Variants in PCDH15 observed in about 807,000 individuals in gnomAD.
PCDH15 encodes protocadherin-15.
PCDH15 carries 129 observed loss-of-function variants against 178.5 expected under a neutral mutation model. That is an observed-to-expected ratio of 0.72 (90% CI 0.63 to 0.84). The LOEUF is 0.84. Among genes scored for constraint, PCDH15 ranks in the 40% least tolerant of loss-of-function variants. The probability of loss-of-function intolerance (pLI) is 0.00; values close to 1 mark genes in which losing one functional copy is unlikely to be tolerated. For missense variants in PCDH15, 2,230 were observed against 2,099.9 expected (o/e 1.06, Z -1.21); for synonymous variants, 800 against 732.0 (o/e 1.09, Z -1.50).
At chr10:54,380,566 CTAACAT>C (rs1380281636) in intron 3 of PCDH15, among the ~76,000 whole-genome samples, 1 of 142,296 alleles carries the variant, frequency 7.0e-6, no homozygotes, top group East Asian at 2.0e-4. Context: ...GGCAGGTCAA[CTAACAT>C]TAACATTAAT....
At chr10:55,289,921 C>CATACTTTAAGTGTTTCAAAGTT (rs1564972969) in intron 1 of PCDH15, among the ~76,000 whole-genome samples, 13 of 151,808 alleles carry the variant, frequency 8.6e-5, no homozygotes, top group African/African-American at 2.9e-4. Context: ...GTAGTAAAAG[C>CATACTTTAAGTGTTTCAAAGTT]AAGCTGGCTG....
chr10:53,924,827 A>T lies in PCDH15; in HGVS notation c.3373+13988T>A, dbSNP rs184296639. ...GGGACTGTAAATACACCAAATCAGCACTCTGTGTCTAGCTCAAGGTTTGTA... is the reference window on the plus strand; with the variant it reads ...GGGACTGTAAATACACCAAATCAGCTCTCTGTGTCTAGCTCAAGGTTTGTA... On this transcript the variant is annotated intron_variant, in intron 25 of 37. Transcript: ENST00000644397. 3.7e-3 allele frequency among the ~76,000 whole-genome samples: 565 copies of T among 152,134 alleles called. 1 individual carries two copies. Among genetic ancestry groups the T allele is most frequent in the African/African-American group, 0.013 (551 of 41,488 alleles).
At chr10:55,436,433 C>T (rs117967764) in intron 2 of PCDH15, among the ~76,000 whole-genome samples, 2,134 of 152,090 alleles carry the variant, frequency 0.014, 25 homozygotes, top group Non-Finnish European at 0.017. Flanking sequence ...AACATTATGA[C>T]ATATAAGTTA....
intron 10 of PCDH15, among the ~76,000 whole-genome samples, chr10:54,203,797 T>G (rs1167368480): frequency 6.6e-6 from 1 of 152,162 alleles, no homozygotes; most frequent in Admixed American, 6.5e-5. Context: ...GATCTTTATA[T>G]GAGGATGATT....
chr10:54,211,829 A>G (rs2051473969), intron 10 of PCDH15, among the ~76,000 whole-genome samples: 1 of 152,104 alleles, frequency 6.6e-6, no homozygotes, highest in South Asian at 2.1e-4. Flanking sequence ...TCCCCTGAAC[A>G]ATGCCACAAT....
chr10:54,913,707 C>G (rs73264060), intron 2 of PCDH15, among the ~76,000 whole-genome samples: 11,221 of 152,248 alleles, frequency 0.074, 1,360 homozygotes, highest in African/African-American at 0.25. Context: ...TGTGGGTGAT[C>G]TACCCTGCAG....
At chr10:54,147,404 G>C (rs565565941) in intron 14 of PCDH15, among the ~76,000 whole-genome samples, 1 of 151,722 alleles carries the variant, frequency 6.6e-6, no homozygotes, top group Non-Finnish European at 1.5e-5. Context: ...TTCTGGCGTG[G>C]AATACAATTT....
At chr10:54,018,814 G>GT (rs1433062568) in intron 20 of PCDH15, among the ~76,000 whole-genome samples, 2 of 150,932 alleles carry the variant, frequency 1.3e-5, no homozygotes, top group African/African-American at 2.5e-5. Context: ...AGATTTCATT[G>GT]TTTTTTAACA....
chr10:54,913,335 T>A (rs939280614), intron 2 of PCDH15, among the ~76,000 whole-genome samples: 1 of 152,096 alleles, frequency 6.6e-6, no homozygotes, highest in Non-Finnish European at 1.5e-5. Flanking sequence ...TCGCAGCCAC[T>A]CCAGGTCCAG....
Position 54,421,912 on chromosome 10 carries a change from C to CTA in PCDH15, c.158-42972_158-42971dup, listed in dbSNP as rs67936546. On this transcript the variant is annotated intron_variant, in intron 3 of 37. Coordinates refer to ENST00000644397, the MANE Select transcript of PCDH15 (RefSeq NM_001384140.1). ...CACACACACTATATATATATATACA[C>CTA]TATATATATATATACACTATATATA... is the stretch of plus-strand genomic sequence containing the variant. 2.4e-3 allele frequency among the ~76,000 whole-genome samples: 234 copies of CTA among 99,002 alleles called. 11 individuals are homozygous for CTA. The highest frequency in any genetic ancestry group is 3.9e-3 in the Non-Finnish European group (197 of 50,948). The allele number at this position is 99,002 out of a possible 152,430, so 64.9% of individuals were successfully genotyped here. A position where few individuals can be genotyped will look rare whatever the true frequency, so the allele number is the denominator to read the frequency against.
At chr10:55,179,910 A>T (rs980904341) in intron 1 of PCDH15, among the ~76,000 whole-genome samples, 5 of 152,064 alleles carry the variant, frequency 3.3e-5, no homozygotes, top group African/African-American at 1.2e-4. Flanking sequence ...CAGTAGCAGT[A>T]AGAATCTCTC....
At chr10:54,752,802 C>CG (rs1946530074) in intron 1 of PCDH15, among the ~76,000 whole-genome samples, 1 of 151,824 alleles carries the variant, frequency 6.6e-6, no homozygotes, top group Non-Finnish European at 1.5e-5. Context: ...TCCACCTTTC[C>CG]CCCCTTGTTA....
intron 1 of PCDH15, among the ~76,000 whole-genome samples, chr10:54,674,401 T>C (rs946090156): frequency 1.3e-5 from 2 of 152,176 alleles, no homozygotes; most frequent in Non-Finnish European, 2.9e-5. Flanking sequence ...CAATTTATAC[T>C]ATGAAAATCA....
intron 18 of PCDH15, among the ~76,000 whole-genome samples, chr10:54,038,944 T>C (rs2093479199): frequency 6.6e-6 from 1 of 152,014 alleles, no homozygotes; most frequent in African/African-American, 2.4e-5. Context: ...GTTTGATTTT[T>C]TTGATCCAAA....
chr10:53,935,851 T>C (rs2085527089), intron 25 of PCDH15, among the ~76,000 whole-genome samples: 1 of 152,008 alleles, frequency 6.6e-6, no homozygotes, highest in South Asian at 2.1e-4. Flanking sequence ...TTTTGGCTAA[T>C]GAATATAGAA....
At chr10:54,401,943 G>A (rs959723135) in intron 3 of PCDH15, among the ~76,000 whole-genome samples, 15 of 151,614 alleles carry the variant, frequency 9.9e-5, no homozygotes, top group African/African-American at 3.1e-4. Context: ...ATACATCAAA[G>A]AATAAAAAGT....
intron 2 of PCDH15, among the ~76,000 whole-genome samples, chr10:54,622,725 TTATA>T (rs1565778110): frequency 1.0e-5 from 1 of 97,870 alleles, no homozygotes; most frequent in African/African-American, 4.5e-5. Context: ...ATAATATATA[TTATA>T]TAATTATATA....
rs775500440 is a variant in PCDH15, at chr10:54,609,020, C to A, written c.91+55152G>T. Among the ~76,000 whole-genome samples the A allele has an allele frequency of 7.2e-5, 11 of 151,994 alleles. 1 individual carries two copies. Among genetic ancestry groups the A allele is most frequent in the Admixed American group, 7.2e-4 (11 of 15,250 alleles). ...ATGATAATCACGCACTACAAGCGCACGAATAATGTTTCCCTGAAAGGTACA... is the reference window on the plus strand; with the variant it reads ...ATGATAATCACGCACTACAAGCGCAAGAATAATGTTTCCCTGAAAGGTACA... On this transcript the variant is annotated intron_variant, in intron 2 of 37. Coordinates refer to ENST00000644397, the MANE Select transcript of PCDH15 (RefSeq NM_001384140.1).
chr10:54,510,393 G>A (rs146572912), intron 3 of PCDH15, among the ~76,000 whole-genome samples: 1 of 152,278 alleles, frequency 6.6e-6, no homozygotes, highest in East Asian at 1.9e-4. Context: ...GACTGAAGAA[G>A]ATTTATGTGA....
Sources: allele counts gnomAD v4.1 joint callset (sites outside exome capture counted in the v4.1 genomes callset), GRCh38; gene constraint gnomAD v4.1.1; transcripts MANE v1.5; gene names NCBI Gene and HGNC (gene_info 2026-07-23, HGNC 2026-07-21).